Variants in CMYA5 observed in about 807,000 individuals in gnomAD.
CMYA5 encodes cardiomyopathy-associated protein 5.
Under a neutral mutation model 318.9 loss-of-function variants are expected in CMYA5, and 246 were observed. The observed-to-expected ratio is 0.77, with a 90% CI of 0.70 to 0.86. The LOEUF (loss-of-function observed/expected upper bound fraction) is 0.86. Ranked by LOEUF, CMYA5 falls within the 40% of genes least tolerant of loss-of-function variation. The pLI, the probability that CMYA5 is intolerant of heterozygous loss-of-function variation, is 0.00. For synonymous variants in CMYA5, 1,641 were observed against 1,729.5 expected, an observed-to-expected ratio of 0.95 and a Z score of 1.27; for missense variants, 4,589 against 4,678.2, an observed-to-expected ratio of 0.98 and a Z score of 0.56.
intron 9 of CMYA5, among the ~76,000 whole-genome samples, chr5:79,777,759 G>C (rs1828966351): frequency 6.6e-6 from 1 of 151,846 alleles, no homozygotes; most frequent in Admixed American, 6.6e-5. Context: ...CGGGAGACAA[G>C]AGTGACACTG....
At chr5:79,711,356 C>G (rs140112272) in intron 1 of CMYA5, among the ~76,000 whole-genome samples, 1 of 152,176 alleles carries the variant, frequency 6.6e-6, no homozygotes, top group African/African-American at 2.4e-5. Context: ...TGCCACCAAC[C>G]GTACCTGGCA....
chr5:79,761,686 G>C (rs1828654201), intron 7 of CMYA5, 125 bp from the exon 8 acceptor site: 1 of 950,324 alleles, frequency 1.1e-6, no homozygotes, highest in Admixed American at 2.9e-5. Flanking sequence ...TTCACATAAT[G>C]GTATCTGTAA....
chr5:79,797,527 T>C (rs1319727248), intron 12 of CMYA5, among the ~76,000 whole-genome samples: 3 of 152,200 alleles, frequency 2.0e-5, no homozygotes, highest in African/African-American at 7.2e-5. Flanking sequence ...TATGAGGCCC[T>C]ATTCAAATGG....
intron 9 of CMYA5, among the ~76,000 whole-genome samples, chr5:79,766,397 G>A (rs1239376802): frequency 1.3e-5 from 2 of 152,048 alleles, no homozygotes; most frequent in African/African-American, 4.8e-5. Context: ...ACCGCGCCTG[G>A]CGCTTCCAGC....
Position 79,745,226 on chromosome 5 carries a change from A to G in CMYA5, c.10739A>G (p.Asn3580Ser), listed in dbSNP as rs1828295035. ...TTTTTGCTTGTTTGTTTTCAGGAAA[A>G]CTGTAGTAAAAATGAGAAAAGGCTA... Reference protein sequence around the residue: ...IESFFNTIEENCSKNEKRLEE... With the variant: ...IESFFNTIEESCSKNEKRLEE... The change falls in exon 4 of 13, where the codon AAC becomes AGC. Residue 3580 changes from asparagine to serine, a missense_variant. Around this residue, in one of 3 missense-constraint regions of CMYA5, gnomAD observed 2,431 missense variants for 2,495.1 expected, o/e 0.97. Coordinates refer to ENST00000446378, the MANE Select transcript of CMYA5 (RefSeq NM_153610.5). The G allele has an allele frequency of 6.4e-7, 1 of 1,563,088 alleles. No individual in the cohort carries two copies. Among genetic ancestry groups the G allele is most frequent in the Non-Finnish European group, 8.7e-7 (1 of 1,152,638 alleles).
At chr5:79,712,780 A>G (rs1172016810) in intron 1 of CMYA5, among the ~76,000 whole-genome samples, 1 of 152,098 alleles carries the variant, frequency 6.6e-6, no homozygotes, top group African/African-American at 2.4e-5. Context: ...TCATGTTTTT[A>G]TGGAGTTATA....
Position 79,766,747 on chromosome 5 carries a change from G to T in CMYA5, c.11555+3538G>T, listed in dbSNP as rs546402400. The stretch of plus-strand genomic sequence containing the variant: ...GATTTTCACATCGATGTTCATCAAG[G>T]ATATTGGCCTGAAATTTTCTTTTTT... On this transcript the variant is annotated intron_variant, in intron 9 of 12. Coordinates refer to ENST00000446378, the MANE Select transcript of CMYA5 (RefSeq NM_153610.5). Among the ~76,000 whole-genome samples, 10 of 152,310 alleles carry T rather than the reference G, an allele frequency of 6.6e-5. No homozygotes were observed. In the South Asian group the frequency reaches 2.1e-3, roughly 32 times the overall value.
rs61657639 is a variant in CMYA5, at chr5:79,709,960, CAAAAAAAAAAAA to C, written c.150-18938_150-18927del. Among the ~76,000 whole-genome samples the C allele has an allele frequency of 3.0e-3, 73 of 24,322 alleles. No individual in the cohort carries two copies. In the Admixed American group the frequency reaches 0.043, roughly 14 times the overall value. The allele number at this position is 24,322 out of a possible 152,430, so 16.0% of individuals were successfully genotyped here. ...TGGGTGACAGAGTGAGACTCCATCT[CAAAAAAAAAAAA>C]AAAAAAAAAAAAAAAAGAAAGAAAG... On this transcript the variant is annotated intron_variant, in intron 1 of 12. Coordinates refer to ENST00000446378, the MANE Select transcript of CMYA5 (RefSeq NM_153610.5).
chr5:79,773,488 C>A (rs1043997374), intron 9 of CMYA5, among the ~76,000 whole-genome samples: 1 of 152,062 alleles, frequency 6.6e-6, no homozygotes, highest in African/African-American at 2.4e-5. Context: ...GTTATATAAC[C>A]CTTACATAGG....
Position 79,721,749 on chromosome 5 carries a change from T to C in CMYA5, c.150-7166T>C, listed in dbSNP as rs192569287. 5.9e-3 allele frequency among the ~76,000 whole-genome samples: 905 copies of C among 152,314 alleles called. 11 individuals carry two copies. The highest frequency in any genetic ancestry group is 0.019 in the African/African-American group (795 of 41,574). On this transcript the variant is annotated intron_variant, in intron 1 of 12. Coordinates refer to ENST00000446378, the MANE Select transcript of CMYA5 (RefSeq NM_153610.5). ...TTTACAGATAAAAGGGACATTTCAC[T>C]ATTATTAAAAGTTAAAATTTCCAGA...
intron 1 of CMYA5, among the ~76,000 whole-genome samples, chr5:79,727,232 A>G (rs1181346538): frequency 1.3e-5 from 2 of 152,146 alleles, no homozygotes; most frequent in African/African-American, 4.8e-5. Flanking sequence ...GTGATTCTGA[A>G]TACATATTGT....
rs1352701456 is a variant in CMYA5 at position 79,737,465 on chromosome 5, A to G, written c.8700A>G (p.Ser2900=). The change falls in exon 2 of 13, where the codon TCA becomes TCG. Residue 2900 remains serine, a synonymous_variant. Coordinates refer to ENST00000446378, the MANE Select transcript of CMYA5 (RefSeq NM_153610.5). ...ATGCTCAATTTATATCTAATACATC[A>G]GCAAGCAATGCTGATAAAATGGTTT... The part of the protein sequence containing the change: ...SNYAQFISNT[S]ASNADKMVSN... The G allele has an allele frequency of 1.2e-6, 2 of 1,613,746 alleles. No homozygotes were observed. The highest frequency in any genetic ancestry group is 1.7e-6 in the Non-Finnish European group (2 of 1,179,842).
At position 79,745,440 on chromosome 5, in the gene CMYA5, G is replaced by A; in HGVS notation, c.10953G>A (p.Glu3651=). The change falls in exon 4 of 13, where the codon GAG becomes GAA. Residue 3651 remains glutamate, a synonymous_variant. Transcript: ENST00000446378. ...TIVREAEELD[E]AVFLTSFEEI... is the part of the protein sequence containing the mutation. ...TGAGAGAAGCAGAGGAGCTTGATGAGGCCGTCTTCCTGACTGTAAGTGCCA... is the reference window on the plus strand; with the variant it reads ...TGAGAGAAGCAGAGGAGCTTGATGAAGCCGTCTTCCTGACTGTAAGTGCCA... 6.2e-7 allele frequency: 1 copy of A among 1,613,696 alleles called. No homozygotes were observed. Among genetic ancestry groups the A allele is most frequent in the African/African-American group, 1.3e-5 (1 of 75,022 alleles).
chr5:79,731,064 T>A lies in CMYA5; in HGVS notation c.2299T>A (p.Ser767Thr), dbSNP rs1471236995. The A allele has an allele frequency of 6.2e-7, 1 of 1,613,950 alleles. No individual in the cohort carries two copies. The highest frequency in any genetic ancestry group is 1.3e-5 in the African/African-American group (1 of 75,024). ...STTEKTSECQ[S>T]PLPSTATSEH... ...AACCGAAAAGACTTCTGAATGCCAGTCACCACTGCCTTCTACTGCCACATC... is the reference window on the plus strand; with the variant it reads ...AACCGAAAAGACTTCTGAATGCCAGACACCACTGCCTTCTACTGCCACATC... The change falls in exon 2 of 13, where the codon TCA becomes ACA. Residue 767 changes from serine (S) to threonine (T), a missense_variant. Physicochemically the swap from Ser to Thr is moderately conservative, Grantham distance 58. Transcript: ENST00000446378.
At chr5:79,758,567 TTAAAA>T (rs1191309490) in intron 6 of CMYA5, among the ~76,000 whole-genome samples, 181 bp from the exon 7 acceptor site, 69 of 151,628 alleles carry the variant, frequency 4.6e-4, no homozygotes, top group East Asian at 2.7e-3. Context: ...AAAGTTAAAA[TTAAAA>T]TAAAATAAAA....
intron 1 of CMYA5, 78 bp from the exon 2 acceptor site, chr5:79,728,836 TA>T: frequency 3.0e-6 from 2 of 658,612 alleles, no homozygotes; most frequent in Non-Finnish European, 4.2e-6. Context: ...CTTTACCTGG[TA>T]AAAATGTATT....
intron 3 of CMYA5, 83 bp downstream of exon 3, chr5:79,744,005 T>G: frequency 4.5e-6 from 3 of 669,178 alleles, no homozygotes; most frequent in Non-Finnish European, 7.3e-6. Flanking sequence ...GGGATCTGAC[T>G]TGGGGATTTT....
At chr5:79,749,122 C>A (rs1828385597) in intron 5 of CMYA5, among the ~76,000 whole-genome samples, 1 of 152,166 alleles carries the variant, frequency 6.6e-6, no homozygotes, top group Non-Finnish European at 1.5e-5. Context: ...TAATTAATTT[C>A]TATTTCATTG....
At chr5:79,766,023 A>C (rs1017628400) in intron 9 of CMYA5, among the ~76,000 whole-genome samples, 3 of 152,142 alleles carry the variant, frequency 2.0e-5, no homozygotes, top group Non-Finnish European at 4.4e-5. Context: ...TTCCAATACT[A>C]TGTTGAATAG....
Sources: allele counts gnomAD v4.1 joint callset (sites outside exome capture counted in the v4.1 genomes callset), GRCh38; gene constraint gnomAD v4.1.1; regional missense constraint gnomAD v4.1.1; transcripts MANE v1.5; gene names NCBI Gene and HGNC (gene_info 2026-07-23, HGNC 2026-07-21).